Variants in CABCOCO1 observed in about 807,000 individuals in gnomAD.
The protein encoded by CABCOCO1 is ciliary associated calcium binding coiled-coil 1.
A neutral mutation model predicts 35.7 loss-of-function variants in CABCOCO1; 28 were observed. The observed-to-expected ratio is 0.78, with a 90% CI of 0.58 to 1.07. The LOEUF (loss-of-function observed/expected upper bound fraction) is 1.07, where lower values mean the gene tolerates loss of function less well. Among genes scored for constraint, CABCOCO1 ranks in the 50% least tolerant of loss-of-function variants. CABCOCO1 has a pLI of 0.00. For synonymous variants in CABCOCO1, 95 were observed against 100.1 expected (o/e 0.95, Z 0.30); for missense variants, 326 against 309.2 (o/e 1.05, Z -0.41).
rs1842105225 is a variant in CABCOCO1 at position 61,766,141 on chromosome 10, AT to A, written c.*132del. The A allele has an allele frequency of 1.2e-6, 1 of 836,470 alleles. No homozygotes were observed. The highest frequency in any genetic ancestry group is 1.7e-5 in the African/African-American group (1 of 57,808). 51.8% of individuals were successfully genotyped at this position (836,470 alleles called of 1,614,324 possible). On this transcript the variant is annotated 3_prime_UTR_variant, in exon 8 of 8. Coordinates refer to ENST00000648843, the MANE Select transcript of CABCOCO1 (RefSeq NM_001366906.2). ...AAAGGAAAACCAAGCCCCACTTTTT[AT>A]TTTCCTAAGTAATTAGAAAAGTATT...
Position 61,689,356 on chromosome 10 carries a change from G to A in CABCOCO1, c.480-1193G>A, listed in dbSNP as rs182861637. ...GTATTTTTCTAGCCAACAAATCAAA[G>A]TACTGTCAAAAGCTAAGTTACTTTT... On this transcript the variant is annotated intron_variant, in intron 4 of 7. Coordinates refer to ENST00000648843, the MANE Select transcript of CABCOCO1 (RefSeq NM_001366906.2). Among the ~76,000 whole-genome samples, 238 of 152,272 alleles carry A rather than the reference G, an allele frequency of 1.6e-3. 1 individual carries two copies. The highest frequency in any genetic ancestry group is 5.4e-3 in the African/African-American group (223 of 41,560).
chr10:61,718,892 C>T (rs547893617), intron 5 of CABCOCO1, among the ~76,000 whole-genome samples: 106 of 152,192 alleles, frequency 7.0e-4, no homozygotes, highest in African/African-American at 2.5e-3. Flanking sequence ...CTACCCAATA[C>T]GTACATCTTC....
At chr10:61,697,171 A>G (rs1840317955) in intron 5 of CABCOCO1, among the ~76,000 whole-genome samples, 1 of 152,066 alleles carries the variant, frequency 6.6e-6, no homozygotes, top group Admixed American at 6.6e-5. Context: ...AGACATATGT[A>G]CTCATATTAT....
intron 5 of CABCOCO1, 89 bp from the exon 6 acceptor site, chr10:61,759,970 G>C (rs1490820155): frequency 4.7e-6 from 7 of 1,486,520 alleles, no homozygotes; most frequent in African/African-American, 4.2e-5. Context: ...AACAGACTTG[G>C]AACTATGGTA....
At chr10:61,681,691 G>A (rs554199936) in intron 3 of CABCOCO1, among the ~76,000 whole-genome samples, 9 of 152,102 alleles carry the variant, frequency 5.9e-5, no homozygotes, top group Non-Finnish European at 1.2e-4. Flanking sequence ...ATATTAGGCA[G>A]CTATAACAAG....
chr10:61,706,084 T>C (rs16916519), intron 5 of CABCOCO1, among the ~76,000 whole-genome samples: 1 of 152,164 alleles, frequency 6.6e-6, no homozygotes. Flanking sequence ...AAACATGCAC[T>C]CTAAAAGAAT....
chr10:61,724,135 A>G (rs1760796323), intron 5 of CABCOCO1, among the ~76,000 whole-genome samples: 1 of 152,200 alleles, frequency 6.6e-6, no homozygotes, highest in African/African-American at 2.4e-5. Flanking sequence ...ATCAAACTAT[A>G]TACTTTCCTG....
At chr10:61,716,498 T>G (rs544489868) in intron 5 of CABCOCO1, among the ~76,000 whole-genome samples, 11 of 152,222 alleles carry the variant, frequency 7.2e-5, no homozygotes, top group Admixed American at 2.0e-4. Flanking sequence ...TCTTTCAAAT[T>G]TATGCTTGTC....
chr10:61,682,477 A>G (rs1000208947), intron 3 of CABCOCO1, among the ~76,000 whole-genome samples: 1 of 152,222 alleles, frequency 6.6e-6, no homozygotes, highest in African/African-American at 2.4e-5. Flanking sequence ...TCAACTAGGT[A>G]GCAGTAGACT....
intron 2 of CABCOCO1, among the ~76,000 whole-genome samples, chr10:61,678,936 T>C (rs1839612969): frequency 6.6e-6 from 1 of 152,136 alleles, no homozygotes; most frequent in African/African-American, 2.4e-5. Flanking sequence ...ATGAAATGCA[T>C]GTTGAAGAAA....
intron 7 of CABCOCO1, among the ~76,000 whole-genome samples, chr10:61,762,733 G>A (rs998537180): frequency 6.6e-6 from 1 of 152,088 alleles, no homozygotes; most frequent in African/African-American, 2.4e-5. Flanking sequence ...GTTGACAACT[G>A]ATAAAAGACC....
chr10:61,710,752 T>C (rs1275346534), intron 5 of CABCOCO1, among the ~76,000 whole-genome samples: 2 of 151,816 alleles, frequency 1.3e-5, no homozygotes, highest in Non-Finnish European at 2.9e-5. Flanking sequence ...ACCCAATATT[T>C]GTGTTGCTCT....
chr10:61,668,176 A>T (rs1252263709), intron 1 of CABCOCO1, among the ~76,000 whole-genome samples: 2 of 151,928 alleles, frequency 1.3e-5, no homozygotes, highest in Admixed American at 6.5e-5. Context: ...CCAACCTTGG[A>T]TCTCTAAAAT....
At chr10:61,719,387 G>T (rs1376872649) in intron 5 of CABCOCO1, among the ~76,000 whole-genome samples, 1 of 151,980 alleles carries the variant, frequency 6.6e-6, no homozygotes, top group Non-Finnish European at 1.5e-5. Flanking sequence ...ACACTGAGTT[G>T]CTGGTTTAAC....
At chr10:61,732,895 G>T (rs561186790) in intron 5 of CABCOCO1, among the ~76,000 whole-genome samples, 3 of 152,030 alleles carry the variant, frequency 2.0e-5, no homozygotes, top group Non-Finnish European at 2.9e-5. Context: ...GATGAGAAAC[G>T]CTTATTAAAT....
rs1269969305 is a variant in CABCOCO1 at position 61,663,040 on chromosome 10, GC to G, written c.60+12del. 1 of 250,782 alleles carries G rather than the reference GC, an allele frequency of 4.0e-6. No individual in the cohort carries two copies. Among genetic ancestry groups the G allele is most frequent in the South Asian group, 3.3e-5 (1 of 30,754 alleles). 15.5% of individuals were successfully genotyped at this position (250,782 alleles called of 1,614,324 possible). On this transcript the variant is annotated intron_variant, in intron 1 of 7. Transcript: ENST00000648843. ...ACCACGCCCGAATCGGAGGTACACC[GC>G]CCCTTTCCCTTCCCGGTACCGGTGC...
chr10:61,754,931 T>C (rs1201010658), intron 5 of CABCOCO1, among the ~76,000 whole-genome samples: 1 of 152,152 alleles, frequency 6.6e-6, no homozygotes, highest in Non-Finnish European at 1.5e-5. Flanking sequence ...CCTGGCAACA[T>C]TTTGAACCTT....
intron 5 of CABCOCO1, among the ~76,000 whole-genome samples, chr10:61,758,773 G>A (rs1273823736): frequency 2.0e-5 from 3 of 151,882 alleles, no homozygotes; most frequent in Admixed American, 6.6e-5. Context: ...GGACACGTTG[G>A]GGCTTCTATA....
chr10:61,704,522 G>A (rs1367336482), intron 5 of CABCOCO1, among the ~76,000 whole-genome samples: 1 of 152,176 alleles, frequency 6.6e-6, no homozygotes, highest in Non-Finnish European at 1.5e-5. Flanking sequence ...AGTGAGCTTG[G>A]AAGTAGATCC....
Sources: allele counts gnomAD v4.1 joint callset (sites outside exome capture counted in the v4.1 genomes callset), GRCh38; gene constraint gnomAD v4.1.1; transcripts MANE v1.5; gene names NCBI Gene and HGNC (gene_info 2026-07-23, HGNC 2026-07-21).